The following STAM variants were observed in gnomAD, a reference collection of about 807,000 sequenced individuals.
STAM encodes signal transducing adaptor molecule.
In STAM, 16 loss-of-function variants were observed where a neutral mutation model predicts 63.4. The ratio of observed to expected loss-of-function variants is 0.25; its 90% CI spans 0.17 to 0.38. The LOEUF is 0.38. STAM is among the 10% of genes least tolerant of loss of function. STAM has a pLI of 1.00. For synonymous variants in STAM, 238 were observed against 223.9 expected (o/e 1.06, Z -0.56); for missense variants, 636 against 657.1 (o/e 0.97, Z 0.35).
Position 17,679,174 on chromosome 10 carries a change from C to T in STAM, c.126-5501C>T, listed in dbSNP as rs563680264. 9.9e-5 allele frequency among the ~76,000 whole-genome samples: 15 copies of T among 152,250 alleles called. No individual in the cohort carries two copies. In the South Asian group the frequency reaches 3.1e-3, roughly 32 times the overall value. ...CACAGTAGCTACACCATTTTACATT[C>T]CCACCGGCAATGTACAAGGGTTCTA... On this transcript the variant is annotated intron_variant, in intron 2 of 13. Coordinates refer to ENST00000377524, the MANE Select transcript of STAM (RefSeq NM_003473.4).
At chr10:17,667,464 T>A (rs529562448) in intron 2 of STAM, among the ~76,000 whole-genome samples, 1 of 152,340 alleles carries the variant, frequency 6.6e-6, no homozygotes, top group Non-Finnish European at 1.5e-5. Context: ...TTTCCATGTT[T>A]CACTCAGTTT....
intron 12 of STAM, among the ~76,000 whole-genome samples, 177 bp from the exon 13 acceptor site, chr10:17,708,599 A>G (rs1836404777): frequency 6.6e-6 from 1 of 152,242 alleles, no homozygotes; most frequent in South Asian, 2.1e-4. Context: ...AAAACCATCA[A>G]CAGCCTATTT....
chr10:17,667,601 A>G (rs1487399445), intron 2 of STAM, among the ~76,000 whole-genome samples: 1 of 152,262 alleles, frequency 6.6e-6, no homozygotes, highest in Non-Finnish European at 1.5e-5. Context: ...AAGCAGGCAT[A>G]GCCTTTGCCG....
At chr10:17,692,400 A>G (rs1038446684) in intron 5 of STAM, among the ~76,000 whole-genome samples, 6 of 152,240 alleles carry the variant, frequency 3.9e-5, no homozygotes, top group Non-Finnish European at 8.8e-5. Flanking sequence ...CAAAGGAGCC[A>G]TAGGGGGAGA....
At chr10:17,678,920 G>C (rs1196976926) in intron 2 of STAM, among the ~76,000 whole-genome samples, 1 of 152,112 alleles carries the variant, frequency 6.6e-6, no homozygotes, top group Non-Finnish European at 1.5e-5. Flanking sequence ...TTAGCATAAT[G>C]TTTTCAAGGT....
At chr10:17,687,899 T>C in intron 4 of STAM, 128 bp from the exon 5 acceptor site, 1 of 654,132 alleles carries the variant, frequency 1.5e-6, no homozygotes, top group South Asian at 4.7e-5. Context: ...AACTATATTT[T>C]CTTGTCTATA....
At chr10:17,650,794 G>A (rs1166140016) in intron 1 of STAM, among the ~76,000 whole-genome samples, 1 of 152,104 alleles carries the variant, frequency 6.6e-6, no homozygotes, top group Non-Finnish European at 1.5e-5. Flanking sequence ...GGCTGGGCGC[G>A]GTGGCTCACG....
At chr10:17,649,532 A>T (rs1423329769) in intron 1 of STAM, among the ~76,000 whole-genome samples, 1 of 152,140 alleles carries the variant, frequency 6.6e-6, no homozygotes, top group African/African-American at 2.4e-5. Flanking sequence ...TATAAACTCC[A>T]TTAAGATGAG....
intron 2 of STAM, among the ~76,000 whole-genome samples, 191 bp from the exon 3 acceptor site, chr10:17,684,484 G>T (rs1835214463): frequency 6.6e-6 from 1 of 151,744 alleles, no homozygotes; most frequent in African/African-American, 2.4e-5. Flanking sequence ...TAATAAGAGA[G>T]CCTGTTAATT....
rs181157839 is a variant in STAM at position 17,695,134 on chromosome 10, C to T, written c.621C>T (p.Asn207=). The T allele has an allele frequency of 2.8e-5, 46 of 1,614,114 alleles. No homozygotes were observed. In the East Asian group the frequency reaches 8.7e-4, roughly 31 times the overall value. Residue 207 remains asparagine (N), a synonymous_variant, in exon 7 of 14, where the codon AAC becomes AAT. Coordinates refer to ENST00000377524, the MANE Select transcript of STAM (RefSeq NM_003473.4). The part of the protein sequence containing the change: ...LYPSTSSLLT[N]HQHEGRKVRA... Reference sequence around the variant, plus strand: ...CAAGCACATCCAGTCTCTTAACTAACCACCAACATGAAGGCCGAAAAGTTC... The same window carrying T: ...CAAGCACATCCAGTCTCTTAACTAATCACCAACATGAAGGCCGAAAAGTTC...
At chr10:17,706,953 T>C (rs1554829343) in intron 12 of STAM, among the ~76,000 whole-genome samples, 1 of 152,204 alleles carries the variant, frequency 6.6e-6, no homozygotes, top group Non-Finnish European at 1.5e-5. Context: ...AAAATATATT[T>C]CCATAATTTA....
At chr10:17,709,468 T>G (rs956898519) in intron 13 of STAM, among the ~76,000 whole-genome samples, 1 of 152,206 alleles carries the variant, frequency 6.6e-6, no homozygotes, top group African/African-American at 2.4e-5. Context: ...CCCTTGTTTC[T>G]CAGGAGGCAG....
intron 13 of STAM, among the ~76,000 whole-genome samples, chr10:17,711,538 C>T (rs971344297): frequency 3.3e-5 from 5 of 152,000 alleles, no homozygotes; most frequent in Admixed American, 3.3e-4. Context: ...ATGCCTTGTA[C>T]CTTAGGAGCC....
At chr10:17,664,934 T>G (rs1834316368) in intron 2 of STAM, among the ~76,000 whole-genome samples, 1 of 152,164 alleles carries the variant, frequency 6.6e-6, no homozygotes, top group East Asian at 1.9e-4. Flanking sequence ...TCAAAATGAT[T>G]TGTAACTAGT....
chr10:17,649,606 G>T (rs1833658066), intron 1 of STAM, among the ~76,000 whole-genome samples: 1 of 152,000 alleles, frequency 6.6e-6, no homozygotes, highest in African/African-American at 2.4e-5. Flanking sequence ...AAGCACTCAA[G>T]AATTATTTAT....
intron 2 of STAM, among the ~76,000 whole-genome samples, chr10:17,673,641 G>C (rs1196381745): frequency 1.3e-5 from 2 of 152,292 alleles, no homozygotes; most frequent in Non-Finnish European, 2.9e-5. Context: ...CAGCCCTCAT[G>C]ATGGGGAGAT....
chr10:17,705,707 A>G lies in STAM; in HGVS notation c.1175A>G (p.Tyr392Cys), dbSNP rs782677485. 1.9e-6 allele frequency: 3 copies of G among 1,613,578 alleles called. No individual in the cohort carries two copies. The highest frequency in any genetic ancestry group is 2.2e-5 in the South Asian group (2 of 90,834). Residue 392 changes from tyrosine (Y) to cysteine (C), a missense_variant, in exon 12 of 14, where the codon TAT becomes TGT. This residue lies in a region of STAM where 532 missense variants were observed against 536.9 expected (regional missense o/e 0.99). Transcript: ENST00000377524. The part of the protein sequence containing the change: ...SMYAKLQNQP[Y>C]YMQSSGVSGS... ...TATGCAAAGTTACAGAATCAGCCATATTATATGCAGTCATCTGGTGTTTCT... is the reference window on the plus strand; with the variant it reads ...TATGCAAAGTTACAGAATCAGCCATGTTATATGCAGTCATCTGGTGTTTCT...
chr10:17,686,636 C>T (rs1462940968), intron 4 of STAM, among the ~76,000 whole-genome samples: 5 of 152,094 alleles, frequency 3.3e-5, no homozygotes, highest in African/African-American at 1.2e-4. Context: ...CTCGGCCTTC[C>T]AAAGTGCTGG....
intron 12 of STAM, among the ~76,000 whole-genome samples, chr10:17,706,361 T>C (rs1216601826): frequency 7.0e-6 from 1 of 142,652 alleles, no homozygotes; most frequent in Non-Finnish European, 1.5e-5. Flanking sequence ...ATCCTCAGGG[T>C]TGAGGCCCTT....
Sources: gnomAD v4.1 joint callset for allele counts (sites outside exome capture counted in the v4.1 genomes callset) on GRCh38, gnomAD v4.1.1 for gene constraint, gnomAD v4.1.1 regional missense constraint, MANE v1.5 for transcripts, NCBI Gene and HGNC (gene_info 2026-07-23, HGNC 2026-07-21) for gene names.